Variants in TAFA1 observed in about 807,000 individuals in gnomAD.
TAFA1 encodes the protein TAFA chemokine like family member 1.
TAFA1 carries 4 observed loss-of-function variants against 18.5 expected under a neutral mutation model. That is an observed-to-expected ratio of 0.22 (90% CI 0.11 to 0.49). The LOEUF is 0.49. Among genes scored for constraint, TAFA1 ranks in the 20% least tolerant of loss-of-function variants. The pLI, the probability that TAFA1 is intolerant of heterozygous loss-of-function variation, is 0.98. For missense variants in TAFA1, 147 were observed against 169.0 expected, an observed-to-expected ratio of 0.87 and a Z score of 0.72; for synonymous variants, 56 against 55.2, an observed-to-expected ratio of 1.01 and a Z score of -0.06.
intron 2 of TAFA1, among the ~76,000 whole-genome samples, chr3:68,402,506 A>T (rs528264073): frequency 6.6e-6 from 1 of 152,300 alleles, no homozygotes; most frequent in East Asian, 1.9e-4. Flanking sequence ...CATCACTGTC[A>T]AAAGGGGGAG....
the TAFA1 span, among the ~76,000 whole-genome samples, chr3:67,996,070 C>T: frequency 6.6e-6 from 1 of 152,258 alleles, no homozygotes; most frequent in East Asian, 1.9e-4. Context: ...CATTAAAGGC[C>T]TTAAATCTGG....
At chr3:68,016,921 T>G (rs911050638) in intron 2 of TAFA1, among the ~76,000 whole-genome samples, 1 of 152,210 alleles carries the variant, frequency 6.6e-6, no homozygotes, top group African/African-American at 2.4e-5. Context: ...ACAAATTTTC[T>G]TCTAAGTATT....
intron 2 of TAFA1, among the ~76,000 whole-genome samples, chr3:68,265,956 C>T (rs2067534990): frequency 6.6e-6 from 1 of 152,136 alleles, no homozygotes; most frequent in Admixed American, 6.6e-5. Flanking sequence ...TGTATAATCC[C>T]TGGAATGCTA....
At chr3:68,455,953 A>G (rs1206921527) in intron 3 of TAFA1, among the ~76,000 whole-genome samples, 1 of 152,144 alleles carries the variant, frequency 6.6e-6, no homozygotes, top group Non-Finnish European at 1.5e-5. Flanking sequence ...ACTCCCTTAT[A>G]TAAAGGTTGA....
intron 2 of TAFA1, among the ~76,000 whole-genome samples, chr3:68,182,628 T>C (rs906421929): frequency 6.6e-6 from 1 of 152,178 alleles, no homozygotes; most frequent in Admixed American, 6.5e-5. Context: ...CCCTTTAAAG[T>C]ACTTAATGCA....
intron 2 of TAFA1, among the ~76,000 whole-genome samples, chr3:68,109,079 T>G (rs1355584886): frequency 2.0e-5 from 3 of 152,156 alleles, no homozygotes; most frequent in African/African-American, 7.2e-5. Flanking sequence ...TTAATGAATA[T>G]TTAAAGTTTT....
intron 2 of TAFA1, among the ~76,000 whole-genome samples, chr3:68,310,476 T>A (rs1429092697): frequency 2.0e-5 from 3 of 152,198 alleles, no homozygotes; most frequent in Admixed American, 6.5e-5. Context: ...TTCCTGATGT[T>A]CCCCCAGTAT....
intron 2 of TAFA1, among the ~76,000 whole-genome samples, chr3:68,144,739 C>A (rs924792679): frequency 6.6e-6 from 1 of 152,184 alleles, no homozygotes; most frequent in Admixed American, 6.5e-5. Context: ...GTCCGTCTTA[C>A]AATTTTTTTA....
chr3:68,356,094 T>C (rs1485802713), intron 2 of TAFA1, among the ~76,000 whole-genome samples: 1 of 151,882 alleles, frequency 6.6e-6, no homozygotes, highest in Non-Finnish European at 1.5e-5. Context: ...ACAACACAAA[T>C]GTAGAACATT....
chr3:68,408,365 AC>A (rs2070651620), intron 2 of TAFA1, among the ~76,000 whole-genome samples: 1 of 152,150 alleles, frequency 6.6e-6, no homozygotes, highest in South Asian at 2.1e-4. Context: ...AAAAAGCTTT[AC>A]CTTTGTAAGT....
intron 2 of TAFA1, among the ~76,000 whole-genome samples, chr3:68,088,910 A>G (rs1158168856): frequency 6.6e-6 from 1 of 152,118 alleles, no homozygotes; most frequent in Admixed American, 6.5e-5. Flanking sequence ...GTAATGGTAG[A>G]GCTGATCGGA....
chr3:68,147,248 T>G (rs2065752956), intron 2 of TAFA1, among the ~76,000 whole-genome samples: 1 of 152,014 alleles, frequency 6.6e-6, no homozygotes, highest in Admixed American at 6.6e-5. Flanking sequence ...AACATTCCTC[T>G]GCTTTAACCA....
intron 2 of TAFA1, among the ~76,000 whole-genome samples, chr3:68,412,937 C>G (rs368251861): frequency 6.6e-6 from 1 of 151,474 alleles, no homozygotes; most frequent in Non-Finnish European, 1.5e-5. Context: ...TTCTAGATCC[C>G]TGAGGAATTG....
intron 2 of TAFA1, among the ~76,000 whole-genome samples, chr3:68,272,647 G>A (rs980390232): frequency 6.6e-6 from 1 of 152,130 alleles, no homozygotes; most frequent in Non-Finnish European, 1.5e-5. Flanking sequence ...AAATTCATCT[G>A]CCTGGGCGTA....
intron 2 of TAFA1, among the ~76,000 whole-genome samples, chr3:68,372,154 C>G (rs2069719137): frequency 6.6e-6 from 1 of 151,952 alleles, no homozygotes; most frequent in Admixed American, 6.6e-5. Context: ...ATTTAAGATG[C>G]CCCGCAGGTT....
chr3:68,405,912 T>C (rs1202482959), intron 2 of TAFA1, among the ~76,000 whole-genome samples: 2 of 151,780 alleles, frequency 1.3e-5, no homozygotes, highest in African/African-American at 4.8e-5. Flanking sequence ...GCCTTTGAAA[T>C]TGGGTTTCAA....
In TAFA1 at chr3:68,078,990, C is replaced by A. The variant is rs530707039; in HGVS notation, c.118+72246C>A. On this transcript the variant is annotated intron_variant, in intron 2 of 4. Coordinates refer to ENST00000478136, the MANE Select transcript of TAFA1 (RefSeq NM_213609.4). ...ATTGATTGTTGCCACAATTTCAGAG[C>A]CTGTTATTGGTCTATTCAGAGATTC... Among the ~76,000 whole-genome samples, 10 of 152,256 alleles carry A rather than the reference C, an allele frequency of 6.6e-5. No homozygotes were observed. In the South Asian group the frequency reaches 2.1e-3, roughly 32 times the overall value.
intron 3 of TAFA1, among the ~76,000 whole-genome samples, chr3:68,520,442 G>T (rs886180225): frequency 6.6e-6 from 1 of 152,040 alleles, no homozygotes; most frequent in African/African-American, 2.4e-5. Context: ...AGCAAGCCTC[G>T]AAAAATACTT....
At chr3:68,104,451 G>A (rs190958449) in intron 2 of TAFA1, among the ~76,000 whole-genome samples, 5 of 151,572 alleles carry the variant, frequency 3.3e-5, no homozygotes, top group Admixed American at 2.0e-4. Context: ...TTTTATTGTG[G>A]TTAAAAATAT....
Sources: gnomAD v4.1 joint callset for allele counts (sites outside exome capture counted in the v4.1 genomes callset) on GRCh38, gnomAD v4.1.1 for gene constraint, MANE v1.5 for transcripts, NCBI Gene and HGNC (gene_info 2026-07-23, HGNC 2026-07-21) for gene names.